The following SH3TC2 variants were observed in gnomAD, a reference collection of about 807,000 sequenced individuals.
SH3TC2 encodes SH3 domain and tetratricopeptide repeat-containing protein 2.
Under a neutral mutation model 124.5 loss-of-function variants are expected in SH3TC2, and 87 were observed. That is an observed-to-expected ratio of 0.70 (90% confidence interval 0.59 to 0.84). SH3TC2 has a LOEUF of 0.84. SH3TC2 is among the 40% of genes least tolerant of loss of function. SH3TC2 has a pLI of 0.00. For synonymous variants in SH3TC2, 634 were observed against 628.5 expected (o/e 1.01, Z -0.13); for missense variants, 1,536 against 1,566.4 (o/e 0.98, Z 0.33).
At chr5:149,019,256 A>T (rs1388831167) in intron 12 of SH3TC2, among the ~76,000 whole-genome samples, 1 of 151,454 alleles carries the variant, frequency 6.6e-6, no homozygotes, top group Non-Finnish European at 1.5e-5. Flanking sequence ...GCATAGAAAC[A>T]CCCGTTTATC....
intron 1 of SH3TC2, among the ~76,000 whole-genome samples, chr5:149,058,157 A>T (rs187019620): frequency 1.1e-3 from 161 of 152,346 alleles, no homozygotes; most frequent in African/African-American, 3.4e-3. Context: ...TTCAGTTATT[A>T]ATCAATAAAT....
chr5:149,027,919 G>T lies in SH3TC2; in HGVS notation c.1813C>A (p.Arg605Ser). The change falls in exon 11 of 17, where the codon CGT becomes AGT. Residue 605 changes from arginine (R) to serine (S), a missense_variant. Coordinates refer to ENST00000515425, the MANE Select transcript of SH3TC2 (RefSeq NM_024577.4). ...AGALLACLPD[R>S]ESSAKHELDV... is the part of the protein sequence containing the mutation. ...AGTTCATGCTTGGCACTAGACTCAC[G>T]GTCAGGCAGGCAGGCCAGCAGGGCA... The T allele has an allele frequency of 6.2e-7, 1 of 1,614,046 alleles. No homozygotes were observed. Among genetic ancestry groups the T allele is most frequent in the African/African-American group, 1.3e-5 (1 of 75,066 alleles).
At position 148,991,184 on chromosome 5, in the gene SH3TC2, T is replaced by C. The variant is rs1256273027; in HGVS notation, c.*13527A>G. Among the ~76,000 whole-genome samples the C allele has an allele frequency of 1.3e-5, 2 of 152,160 alleles. No homozygotes were observed. The highest frequency in any genetic ancestry group is 1.5e-5 in the Non-Finnish European group (1 of 68,020). ...TACACATGGGGTAGAAATTAACATATGTAGAGGACTTTTTCTTCTCTATAC... is the reference window on the plus strand; with the variant it reads ...TACACATGGGGTAGAAATTAACATACGTAGAGGACTTTTTCTTCTCTATAC... On this transcript the variant is annotated 3_prime_UTR_variant, in exon 17 of 17. Transcript: ENST00000515425.
intron 6 of SH3TC2, among the ~76,000 whole-genome samples, chr5:149,040,917 A>G (rs886387165): frequency 6.6e-6 from 1 of 152,216 alleles, no homozygotes; most frequent in African/African-American, 2.4e-5. Flanking sequence ...CTAACAAACA[A>G]TCCCTTTACA....
In SH3TC2 at chr5:148,983,715, T is replaced by C. The variant is rs867225889; in HGVS notation, c.*20996A>G. Among the ~76,000 whole-genome samples, 7 of 152,106 alleles carry C rather than the reference T, an allele frequency of 4.6e-5. No individual in the cohort carries two copies. The highest frequency in any genetic ancestry group is 5.9e-5 in the Non-Finnish European group (4 of 68,018). On this transcript the variant is annotated 3_prime_UTR_variant, in exon 17 of 17. Transcript: ENST00000515425. ...CAGATGTCCCAGACTGGTCAAATAA[T>C]GGTATTCTACTTCCCTGTCACAAAT...
chr5:149,027,759 C>A lies in SH3TC2; in HGVS notation c.1973G>T (p.Arg658Leu), dbSNP rs138040787. ...AGGGTGTCCAGAGAGGAGCTGCAGG[C>A]GCTCGGCAAAGGGCAGGACCTCCTC... is the stretch of plus-strand genomic sequence containing the variant. ...RHEEVLPFAE[R>L]LQLLSGHPPA... The change falls in exon 11 of 17, where the codon CGC (arginine) becomes CTC (leucine). Residue 658 changes from arginine (R) to leucine (L), a missense_variant. By Grantham distance (102) the Arg-to-Leu change is moderately radical. Transcript: ENST00000515425. 1.2e-6 allele frequency: 2 copies of A among 1,613,952 alleles called. No individual in the cohort carries two copies. The highest frequency in any genetic ancestry group is 1.7e-6 in the Non-Finnish European group (2 of 1,179,958).
chr5:149,012,497 G>T, intron 13 of SH3TC2, 87 bp downstream of exon 13: 1 of 1,524,508 alleles, frequency 6.6e-7, no homozygotes. Flanking sequence ...ATCCCTCTCT[G>T]GTTCCCCCTG....
At position 149,022,793 on chromosome 5, in the gene SH3TC2, G is replaced by C. The variant is rs1753996963; in HGVS notation, c.3053+3779C>G. The stretch of plus-strand genomic sequence containing the variant: ...AAGTGAAAGAAGCCAGACACAAAAG[G>C]ACAAATACTGTATGATACCATTTAT... On this transcript the variant is annotated intron_variant, in intron 12 of 16. Coordinates refer to ENST00000515425, the MANE Select transcript of SH3TC2 (RefSeq NM_024577.4). 2.0e-5 allele frequency among the ~76,000 whole-genome samples: 3 copies of C among 152,168 alleles called. No homozygotes were observed. In the South Asian group the frequency reaches 6.2e-4, roughly 32 times the overall value.
In SH3TC2 at chr5:148,983,262, A is replaced by C. The variant is rs1753279972; in HGVS notation, c.*21449T>G. On this transcript the variant is annotated 3_prime_UTR_variant, in exon 17 of 17. Transcript: ENST00000515425. ...TTTCAAATTGCCACTTACCATTTTTAGTACAAATTCCTTTTGAAAAGCTCC... is the reference window on the plus strand; with the variant it reads ...TTTCAAATTGCCACTTACCATTTTTCGTACAAATTCCTTTTGAAAAGCTCC... Among the ~76,000 whole-genome samples, 1 of 152,226 alleles carries C rather than the reference A, an allele frequency of 6.6e-6. No individual in the cohort carries two copies. The highest frequency in any genetic ancestry group is 6.5e-5 in the Admixed American group (1 of 15,292).
At chr5:149,062,517 G>A (rs780918331) in intron 1 of SH3TC2, 1 of 435,774 alleles carries the variant, frequency 2.3e-6, no homozygotes, top group Admixed American at 3.1e-5. Flanking sequence ...TCTGTAATAG[G>A]TGGAGGCAGG....
At chr5:149,056,621 T>C (rs1754653048) in intron 1 of SH3TC2, among the ~76,000 whole-genome samples, 1 of 152,302 alleles carries the variant, frequency 6.6e-6, no homozygotes, top group East Asian at 1.9e-4. Context: ...ATTTCTGATG[T>C]CTTCTAGAGT....
intron 12 of SH3TC2, among the ~76,000 whole-genome samples, chr5:149,021,864 C>G (rs1238415839): frequency 1.4e-5 from 2 of 141,278 alleles, no homozygotes; most frequent in Non-Finnish European, 3.1e-5. Context: ...GAATTAACAC[C>G]AATCCTTCAC....
rs1215190686 is a variant in SH3TC2, at chr5:149,002,832, T to C, written c.*1879A>G. On this transcript the variant is annotated 3_prime_UTR_variant, in exon 17 of 17. Coordinates refer to ENST00000515425, the MANE Select transcript of SH3TC2 (RefSeq NM_024577.4). ...TCTACTGAATCAGAATTATTAGAGA[T>C]AGAAACCAAGAAGTTCATGTTCCAC... 3.3e-5 allele frequency: 5 copies of C among 152,246 alleles called. No homozygotes were observed. The highest frequency in any genetic ancestry group is 1.2e-4 in the African/African-American group (5 of 41,466). The allele number at this position is 152,246 out of a possible 1,614,324, so 9.4% of individuals were successfully genotyped here. A position where few individuals can be genotyped will look rare whatever the true frequency, so the allele number is the denominator to read the frequency against.
intron 12 of SH3TC2, among the ~76,000 whole-genome samples, chr5:149,021,712 A>G (rs1414833136): frequency 6.6e-6 from 1 of 152,010 alleles, no homozygotes; most frequent in Non-Finnish European, 1.5e-5. Context: ...CTGCTCAAGA[A>G]GAAACAGAAA....
chr5:149,051,053 A>T (rs964145434), intron 2 of SH3TC2, among the ~76,000 whole-genome samples: 3 of 152,150 alleles, frequency 2.0e-5, no homozygotes, highest in African/African-American at 7.2e-5. Flanking sequence ...TTGGCACACA[A>T]ATTGCCCTCT....
chr5:149,060,187 C>T (rs1754721424), intron 1 of SH3TC2, among the ~76,000 whole-genome samples: 2 of 152,236 alleles, frequency 1.3e-5, no homozygotes, highest in African/African-American at 4.8e-5. Flanking sequence ...TTTCTTCAAA[C>T]AGGCATTGAA....
In SH3TC2 at chr5:148,982,611, A is replaced by G. The variant is rs1753268555; in HGVS notation, c.*22100T>C. 6.6e-6 allele frequency among the ~76,000 whole-genome samples: 1 copy of G among 152,196 alleles called. No homozygotes were observed. The highest frequency in any genetic ancestry group is 2.1e-4 in the South Asian group (1 of 4,830). ...AGAGTCATATGAAAGATTTTCCAAGATTTACATTTTGAAATAAGCAAGGTA... is the reference window on the plus strand; with the variant it reads ...AGAGTCATATGAAAGATTTTCCAAGGTTTACATTTTGAAATAAGCAAGGTA... On this transcript the variant is annotated 3_prime_UTR_variant, in exon 17 of 17. Transcript: ENST00000515425.
chr5:148,992,161 T>C lies in SH3TC2; in HGVS notation c.*12550A>G, dbSNP rs137953180. On this transcript the variant is annotated 3_prime_UTR_variant, in exon 17 of 17. Coordinates refer to ENST00000515425, the MANE Select transcript of SH3TC2 (RefSeq NM_024577.4). ...TGTTTCATCCAACAGCCCTATGAAG[T>C]TGATATCATTAATACTTCCATATTA... Among the ~76,000 whole-genome samples the C allele has an allele frequency of 3.1e-3, 470 of 152,330 alleles. 4 individuals carry two copies. Among genetic ancestry groups the C allele is most frequent in the African/African-American group, 0.011 (447 of 41,578 alleles).
At chr5:149,053,689 C>T (rs1344700354) in intron 1 of SH3TC2, among the ~76,000 whole-genome samples, 2 of 152,314 alleles carry the variant, frequency 1.3e-5, no homozygotes, top group African/African-American at 4.8e-5. Flanking sequence ...TTGGGCAAGA[C>T]ACTTCACCTG....
Sources: gnomAD v4.1 joint callset for allele counts (sites outside exome capture counted in the v4.1 genomes callset) on GRCh38, gnomAD v4.1.1 for gene constraint, MANE v1.5 for transcripts, NCBI Gene and HGNC (gene_info 2026-07-23, HGNC 2026-07-21) for gene names.